LZTR1: variants seen among roughly 807,000 people sequenced by gnomAD.
The protein encoded by LZTR1 is leucine zipper like post translational regulator 1, also known as leucine-zipper-like transcriptional regulator 1.
A neutral mutation model predicts 105.7 loss-of-function variants in LZTR1; 260 were observed. The observed-to-expected ratio is 2.46, with a 90% CI of 2.22 to 2.72. LZTR1 has a LOEUF of 2.72. Among genes scored for constraint, LZTR1 ranks in the 30% most tolerant of loss-of-function variants. LZTR1 has a pLI of 0.00. For synonymous variants in LZTR1, 490 were observed against 476.4 expected (o/e 1.03, Z -0.37); for missense variants, 1,214 against 1,166.9 (o/e 1.04, Z -0.59).
In LZTR1 at chr22:20,995,564, C is replaced by T. The variant is rs76736441; in HGVS notation, c.1943-182C>T. ...TGTGCGTGGGGCATAGTGCTTGAGT[C>T]GGCCAGGGCGCCGAGGGAGGACAGA... On this transcript the variant is annotated intron_variant, in intron 16 of 20. Coordinates refer to ENST00000646124, the MANE Select transcript of LZTR1 (RefSeq NM_006767.4). The T allele has an allele frequency of 3.4e-5, 26 of 770,588 alleles. No individual in the cohort carries two copies. The East Asian group carries it at 3.4e-4, about 10-fold the overall frequency. The allele number at this position is 770,588 out of a possible 1,614,324, so 47.7% of individuals were successfully genotyped here.
At chr22:20,986,756 T>C (rs1293976995) in intron 3 of LZTR1, 3 of 152,130 alleles carry the variant, frequency 2.0e-5, no homozygotes, top group Non-Finnish European at 2.9e-5. Flanking sequence ...GATGGTTAGA[T>C]AGATAGGTAT....
chr22:20,992,137 C>A, intron 9 of LZTR1, 77 bp from the exon 10 acceptor site: 2 of 1,442,484 alleles, frequency 1.4e-6, no homozygotes, highest in Non-Finnish European at 1.9e-6. Flanking sequence ...ACTCTCAAGG[C>A]CAGGATGGTG....
In LZTR1 at chr22:20,994,908, C is replaced by A; in HGVS notation, c.1824C>A (p.Phe608Leu). 5 of 1,613,444 alleles carry A rather than the reference C, an allele frequency of 3.1e-6. No homozygotes were observed. Among genetic ancestry groups the A allele is most frequent in the Non-Finnish European group, 4.2e-6 (5 of 1,180,008 alleles). ...ACTTCGTGGTAAAGGAGTCCCACTT[C>A]AACCAGGTGATCATGATGAAGGAGT... ...CLNFVVKESH[F>L]NQVIMMKEFE... The change falls in exon 16 of 21, where the codon TTC becomes TTA. Residue 608 changes from phenylalanine (F) to leucine (L), a missense_variant. Phe to Leu is a conservative substitution (Grantham distance 22, BLOSUM62 0). Coordinates refer to ENST00000646124, the MANE Select transcript of LZTR1 (RefSeq NM_006767.4).
intron 10 of LZTR1, 112 bp downstream of exon 10, chr22:20,992,481 A>T: frequency 8.0e-7 from 1 of 1,255,730 alleles, no homozygotes; most frequent in South Asian, 1.5e-5. Flanking sequence ...GCTTGGGGTC[A>T]CACCACAAAG....
In LZTR1 at chr22:20,993,712, G is replaced by A. The variant is rs770933647; in HGVS notation, c.1311G>A (p.Trp437Ter). ...CTLHEDYGRL[W>*]ESRQFCDVEF... ...TGCACGAGGACTACGGGCGGCTGTG[G>A]GAGAGCCGCCAGTTCTGCGACGTGG... The change falls in exon 12 of 21, where the codon TGG (tryptophan) becomes TGA (stop). Residue 437 changes from tryptophan (W) to a stop codon, truncating the protein, a stop_gained. Coordinates refer to ENST00000646124, the MANE Select transcript of LZTR1 (RefSeq NM_006767.4). LOFTEE classifies it high-confidence loss of function. 2 of 1,613,388 alleles carry A rather than the reference G, an allele frequency of 1.2e-6. No individual in the cohort carries two copies. Among genetic ancestry groups the A allele is most frequent in the African/African-American group, 1.3e-5 (1 of 74,946 alleles).
rs779811106 is a variant in LZTR1 at position 20,989,612 on chromosome 22, T to G, written c.594-13T>G. ...CAGACCCAAGGGGTCCTCACTGGTC[T>G]GTCCTAATACAGGTTGAATGACATG... On this transcript the variant is annotated splice_polypyrimidine_tract_variant and intron_variant, in intron 6 of 20. Transcript: ENST00000646124. 6.2e-7 allele frequency: 1 copy of G among 1,612,934 alleles called. No individual in the cohort carries two copies. The highest frequency in any genetic ancestry group is 1.1e-5 in the South Asian group (1 of 91,054).
chr22:20,996,647 G>T, intron 18 of LZTR1, 49 bp from the exon 19 acceptor site: 1 of 1,508,678 alleles, frequency 6.6e-7, no homozygotes, highest in African/African-American at 1.4e-5. Context: ...TCCCTGGGAG[G>T]GTGCGGGCGG....
At position 20,997,594 on chromosome 22, in the gene LZTR1, G is replaced by A; in HGVS notation, c.*246G>A. The A allele has an allele frequency of 2.2e-6, 1 of 450,878 alleles. No individual in the cohort carries two copies. Among genetic ancestry groups the A allele is most frequent in the East Asian group, 4.0e-5 (1 of 24,908 alleles). 27.9% of individuals were successfully genotyped at this position (450,878 alleles called of 1,614,324 possible). On this transcript the variant is annotated 3_prime_UTR_variant, in exon 21 of 21. Transcript: ENST00000646124. ...CCCCCTCCTGTCATCACCCTCTCCT[G>A]GTGTAGTGTGGATGCGAGGCCACGG... is the stretch of plus-strand genomic sequence containing the variant.
intron 11 of LZTR1, chr22:20,993,284 A>C (rs948540014): frequency 4.7e-6 from 2 of 427,666 alleles, no homozygotes; most frequent in Non-Finnish European, 8.6e-6. Flanking sequence ...AGGGACTCAC[A>C]GCCACAGTGA....
Position 20,990,539 on chromosome 22 carries a change from C to T in LZTR1, c.791+14C>T, listed in dbSNP as rs1924571371. 20 of 1,599,116 alleles carry T rather than the reference C, an allele frequency of 1.3e-5. No homozygotes were observed. Among genetic ancestry groups the T allele is most frequent in the Non-Finnish European group, 1.5e-5 (18 of 1,170,664 alleles). ...CAAGGACAAGACGTGAGTACTCTGG[C>T]CAGTGGGGTGGAGGGAGGACGGTCA... On this transcript the variant is annotated intron_variant, in intron 8 of 20. Transcript: ENST00000646124.
Position 20,998,764 on chromosome 22 carries a change from GA to G in LZTR1, c.*1418del, listed in dbSNP as rs1924984230. ...GCTGGGGAGGATATGTCAGCACCTG[GA>G]AGTGGAGTGCAGGCTGCAGCGCCCA... On this transcript the variant is annotated 3_prime_UTR_variant, in exon 21 of 21. Coordinates refer to ENST00000646124, the MANE Select transcript of LZTR1 (RefSeq NM_006767.4). 1 of 152,090 alleles carries G rather than the reference GA, an allele frequency of 6.6e-6. No homozygotes were observed. The highest frequency in any genetic ancestry group is 2.4e-5 in the African/African-American group (1 of 41,398). 9.4% of individuals were successfully genotyped at this position (152,090 alleles called of 1,614,324 possible). A position where few individuals can be genotyped will look rare whatever the true frequency, so the allele number is the denominator to read the frequency against.
At chr22:20,992,416 G>T in intron 10 of LZTR1, 47 bp downstream of exon 10, 1 of 1,571,248 alleles carries the variant, frequency 6.4e-7, no homozygotes, top group Non-Finnish European at 8.6e-7. Context: ...CCTGAAACAG[G>T]TCCTGTGATC....
intron 14 of LZTR1, 21 bp from the exon 15 acceptor site, chr22:20,994,537 T>G: frequency 6.2e-7 from 1 of 1,603,770 alleles, no homozygotes; most frequent in Non-Finnish European, 8.5e-7. Context: ...CTCCCTGAGA[T>G]TCGGGGGCTC....
At position 20,993,956 on chromosome 22, in the gene LZTR1, T is replaced by G; in HGVS notation, c.1386T>G (p.Ile462Met). The change falls in exon 13 of 21, where the codon ATT (isoleucine) becomes ATG (methionine). Residue 462 changes from isoleucine to methionine, a missense_variant. Ile to Met is a conservative substitution (Grantham distance 10). Transcript: ENST00000646124. ...AGTGCGTGCAGGGCCACGTAGCCAT[T>G]GTCACAGCGCGGAGCCGCTGGCTTC... ...KEECVQGHVA[I>M]VTARSRWLRR... The G allele has an allele frequency of 6.2e-7, 1 of 1,612,842 alleles. No individual in the cohort carries two copies. The highest frequency in any genetic ancestry group is 2.2e-5 in the East Asian group (1 of 44,862).
chr22:20,994,055 C>A, intron 13 of LZTR1, 36 bp downstream of exon 13: 1 of 1,588,342 alleles, frequency 6.3e-7, no homozygotes, highest in Non-Finnish European at 8.6e-7. Flanking sequence ...GACCTGGCAG[C>A]CATGCCTGGT....
chr22:20,997,591 C>T lies in LZTR1; in HGVS notation c.*243C>T, dbSNP rs952289117. On this transcript the variant is annotated 3_prime_UTR_variant, in exon 21 of 21. Coordinates refer to ENST00000646124, the MANE Select transcript of LZTR1 (RefSeq NM_006767.4). Reference sequence around the variant, plus strand: ...AGACCCCCTCCTGTCATCACCCTCTCCTGGTGTAGTGTGGATGCGAGGCCA... The same window carrying T: ...AGACCCCCTCCTGTCATCACCCTCTTCTGGTGTAGTGTGGATGCGAGGCCA... 1.1e-5 allele frequency: 5 copies of T among 465,858 alleles called. No individual in the cohort carries two copies. Among genetic ancestry groups the T allele is most frequent in the Admixed American group, 1.0e-4 (3 of 29,408 alleles). The allele number at this position is 465,858 out of a possible 1,614,324, so 28.9% of individuals were successfully genotyped here. A position where few individuals can be genotyped will look rare whatever the true frequency, so the allele number is the denominator to read the frequency against.
intron 4 of LZTR1, 115 bp downstream of exon 4, chr22:20,987,698 C>A (rs1924446138): frequency 4.2e-6 from 4 of 962,864 alleles, no homozygotes; most frequent in Admixed American, 1.9e-5. Context: ...GGCTCTCTCT[C>A]CACCCGTGGC....
At chr22:20,995,067 T>C (rs1272228060) in intron 16 of LZTR1, 41 bp downstream of exon 16, 4 of 1,576,178 alleles carry the variant, frequency 2.5e-6, no homozygotes, top group Non-Finnish European at 3.4e-6. Flanking sequence ...CTGGGAGGGA[T>C]GGTGTTCATC....
At chr22:20,995,517 G>A in intron 16 of LZTR1, 1 of 705,536 alleles carries the variant, frequency 1.4e-6, no homozygotes, top group Non-Finnish European at 2.6e-6. Context: ...CTGGGTGGAA[G>A]ATGAGACGCT....
Sources: gnomAD v4.1 joint callset for allele counts on GRCh38, gnomAD v4.1.1 for gene constraint, MANE v1.5 for transcripts, NCBI Gene and HGNC (gene_info 2026-07-23, HGNC 2026-07-21) for gene names.